CFH: variants seen among roughly 807,000 people sequenced by gnomAD.
The protein encoded by CFH is complement factor H.
CFH carries 53 observed loss-of-function variants against 147.3 expected under a neutral mutation model. The ratio of observed to expected loss-of-function variants is 0.36; its 90% CI spans 0.29 to 0.45. The LOEUF (loss-of-function observed/expected upper bound fraction) is 0.45. Ranked by LOEUF, CFH falls within the 20% of genes least tolerant of loss-of-function variation. The pLI is 1.00. For synonymous variants in CFH, 536 were observed against 489.4 expected (o/e 1.10, Z -1.26); for missense variants, 1,380 against 1,498.0 (o/e 0.92, Z 1.30).
intron 11 of CFH, 72 bp from the exon 12 acceptor site, chr1:196,725,049 G>T (rs1669103194): frequency 1.5e-6 from 2 of 1,302,038 alleles, no homozygotes; most frequent in Middle Eastern, 1.8e-4. Context: ...TCACTTTATT[G>T]TGGCATATGT....
intron 15 of CFH, among the ~76,000 whole-genome samples, chr1:196,735,999 T>C (rs1669393529): frequency 6.6e-6 from 1 of 151,894 alleles, no homozygotes; most frequent in Admixed American, 6.6e-5. Context: ...GAAAGGAAAA[T>C]CAAGGGATTA....
At chr1:196,688,130 G>A (rs185235074) in intron 7 of CFH, among the ~76,000 whole-genome samples, 34 of 151,674 alleles carry the variant, frequency 2.2e-4, no homozygotes, top group Non-Finnish European at 3.5e-4. Flanking sequence ...AAGGTTTATT[G>A]AAATAGAAAC....
intron 9 of CFH, among the ~76,000 whole-genome samples, chr1:196,696,321 C>T (rs1195852717): frequency 6.6e-6 from 1 of 152,126 alleles, no homozygotes; most frequent in Non-Finnish European, 1.5e-5. Context: ...CAAAACTACA[C>T]AACTACATGG....
rs77551433 is a variant in CFH at position 196,660,504 on chromosome 1, G to A, written c.58+8329G>A. 8.9e-4 allele frequency among the ~76,000 whole-genome samples: 135 copies of A among 152,236 alleles called. No individual in the cohort carries two copies. In the East Asian group the frequency reaches 0.023, roughly 26 times the overall value. ...TAGACTGAAGTAACAGGAGAGTAGA[G>A]GACTGGAGGCTAGTTAGCAGGCAAG... On this transcript the variant is annotated intron_variant, in intron 1 of 21. Transcript: ENST00000367429.
chr1:196,661,466 G>C (rs1409909718), intron 1 of CFH, among the ~76,000 whole-genome samples: 2 of 152,166 alleles, frequency 1.3e-5, no homozygotes, highest in Non-Finnish European at 2.9e-5. Flanking sequence ...CAGCAAGATA[G>C]TACCAGCAGA....
chr1:196,725,531 G>T (rs750003260), intron 12 of CFH, among the ~76,000 whole-genome samples: 1 of 152,094 alleles, frequency 6.6e-6, no homozygotes, highest in Non-Finnish European at 1.5e-5. Context: ...AGGTGTTGTC[G>T]GTCTTAGTCT....
At chr1:196,679,562 G>A (rs1265090234) in intron 5 of CFH, 61 bp from the exon 6 acceptor site, 1 of 1,250,932 alleles carries the variant, frequency 8.0e-7, no homozygotes, top group African/African-American at 1.5e-5. Context: ...ATATAATTAT[G>A]TCCTGGTCAC....
At chr1:196,689,377 C>T (rs1165069422) in intron 7 of CFH, 43 bp from the exon 8 acceptor site, 2 of 1,518,656 alleles carry the variant, frequency 1.3e-6, no homozygotes, top group Non-Finnish European at 9.0e-7. Context: ...GTGTTTATTA[C>T]AGTAAAATTT....
At chr1:196,742,092 G>T in intron 19 of CFH, 41 bp downstream of exon 19, 1 of 1,599,374 alleles carries the variant, frequency 6.3e-7, no homozygotes, top group South Asian at 1.1e-5. Flanking sequence ...TATAATGTGT[G>T]GGCCCAGCCC....
chr1:196,689,335 A>G, intron 7 of CFH, 85 bp from the exon 8 acceptor site: 3 of 1,233,862 alleles, frequency 2.4e-6, no homozygotes, highest in Non-Finnish European at 3.5e-6. Flanking sequence ...AAGAGAATAT[A>G]ATTCAGTGAT....
chr1:196,742,073 A>C (rs761588996), intron 19 of CFH, 22 bp downstream of exon 19: 4 of 1,611,710 alleles, frequency 2.5e-6, no homozygotes, highest in South Asian at 2.2e-5. Context: ...AATTTTCAAA[A>C]TTTATTTATA....
At chr1:196,676,164 T>C (rs2149079846) in intron 4 of CFH, 99 bp downstream of exon 4, 2 of 704,934 alleles carry the variant, frequency 2.8e-6, no homozygotes, top group East Asian at 5.8e-5. Flanking sequence ...TAAATATTTT[T>C]ATTTAATGTT....
chr1:196,685,798 G>A (rs183081686), intron 7 of CFH, among the ~76,000 whole-genome samples: 1 of 152,192 alleles, frequency 6.6e-6, no homozygotes, highest in East Asian at 1.9e-4. Context: ...GCCTTTCCAT[G>A]AGTTGATAAA....
At chr1:196,709,527 G>A (rs189233668) in intron 9 of CFH, among the ~76,000 whole-genome samples, 7 of 152,130 alleles carry the variant, frequency 4.6e-5, no homozygotes, top group African/African-American at 1.4e-4. Flanking sequence ...GATCAAGCCC[G>A]GAAGGAACTG....
Position 196,726,565 on chromosome 1 carries a change from T to C in CFH, c.1969T>C (p.Tyr657His). The C allele has an allele frequency of 6.2e-7, 1 of 1,612,838 alleles. No homozygotes were observed. Among genetic ancestry groups the C allele is most frequent in the Non-Finnish European group, 8.5e-7 (1 of 1,178,934 alleles). Residue 657 changes from tyrosine to histidine, a missense_variant, in exon 13 of 22, where the codon TAT becomes CAT. Tyr to His is a moderately conservative substitution (Grantham distance 83, BLOSUM62 2). This residue lies in a region of CFH where 830 missense variants were observed against 821.4 expected (regional missense o/e 1.01). Coordinates refer to ENST00000367429, the MANE Select transcript of CFH (RefSeq NM_000186.4). ...EEYGHSEVVE[Y>H]YCNPRFLMKG... ...ATATGGACACAGTGAAGTGGTGGAA[T>C]ATTATTGCAATCCTAGATTTCTAAT...
intron 21 of CFH, among the ~76,000 whole-genome samples, 179 bp from the exon 22 acceptor site, chr1:196,746,932 C>G (rs1230898299): frequency 6.6e-6 from 1 of 152,110 alleles, no homozygotes; most frequent in Non-Finnish European, 1.5e-5. Context: ...ACCTCATTTT[C>G]ACATCGATTA....
chr1:196,679,551 C>T, intron 5 of CFH, 72 bp from the exon 6 acceptor site: 7 of 1,173,146 alleles, frequency 6.0e-6, no homozygotes, highest in Non-Finnish European at 8.8e-6. Context: ...TTTCTGTTTT[C>T]ATATAATTAT....
At chr1:196,703,462 T>G (rs1255274907) in intron 9 of CFH, among the ~76,000 whole-genome samples, 3 of 152,190 alleles carry the variant, frequency 2.0e-5, no homozygotes, top group African/African-American at 7.2e-5. Context: ...GGGCTTCTCC[T>G]GACCCAGACA....
chr1:196,728,193 C>T (rs1669192529), intron 14 of CFH, among the ~76,000 whole-genome samples, 153 bp from the exon 15 acceptor site: 1 of 152,052 alleles, frequency 6.6e-6, no homozygotes, highest in Non-Finnish European at 1.5e-5. Context: ...CATTTTGATG[C>T]AATGTGATCA....
Sources: allele counts gnomAD v4.1 joint callset (sites outside exome capture counted in the v4.1 genomes callset), GRCh38; gene constraint gnomAD v4.1.1; regional missense constraint gnomAD v4.1.1; transcripts MANE v1.5; gene names NCBI Gene and HGNC (gene_info 2026-07-23, HGNC 2026-07-21).